Variants in NEMP2 observed in about 807,000 individuals in gnomAD.
NEMP2 encodes the protein nuclear envelope integral membrane protein 2.
NEMP2 carries 53 observed loss-of-function variants against 54.2 expected under a neutral mutation model. The observed-to-expected ratio is 0.98, with a 90% CI of 0.78 to 1.23. The LOEUF (loss-of-function observed/expected upper bound fraction) is 1.23. Among genes scored for constraint, NEMP2 ranks in the 50% most tolerant of loss-of-function variants. The pLI, the probability that NEMP2 is intolerant of heterozygous loss-of-function variation, is 0.00. For missense variants in NEMP2, 455 were observed against 511.3 expected (o/e 0.89, Z 1.06); for synonymous variants, 197 against 190.3 (o/e 1.04, Z -0.29).
chr2:190,525,142 T>C lies in NEMP2; in HGVS notation c.213+121A>G, dbSNP rs1237476838. On this transcript the variant is annotated intron_variant, in intron 2 of 8. Transcript: ENST00000409150. The surrounding 1 kb of genome is among the most constrained non-coding windows in gnomAD (Gnocchi z 5.0). ...TGTGTGATCCTCAAGTCAGCTTTCA[T>C]AGTGATACACAGATCTGTGTCATAC... 1.4e-5 allele frequency: 8 copies of C among 575,776 alleles called. No homozygotes were observed. The highest frequency in any genetic ancestry group is 7.5e-5 in the South Asian group (3 of 39,932). The allele number at this position is 575,776 out of a possible 1,614,324, so 35.7% of individuals were successfully genotyped here. A position where few individuals can be genotyped will look rare whatever the true frequency, so the allele number is the denominator to read the frequency against.
At chr2:190,636,159 T>G in the NEMP2 span, among the ~76,000 whole-genome samples, 1 of 152,260 alleles carries the variant, frequency 6.6e-6, no homozygotes, top group African/African-American at 2.4e-5. Context: ...TCTATGTTCT[T>G]AATCCTAGCC....
At chr2:190,469,930 C>T in the NEMP2 span, 2 of 1,020,952 alleles carry the variant, frequency 2.0e-6, no homozygotes, top group Admixed American at 2.1e-5. This position sits in a 1 kb window ranked among gnomAD's most constrained non-coding sequence, Gnocchi z 5.3. Context: ...TGGCCTTCAG[C>T]ATCTGATTCT....
chr2:190,429,226 A>ATG, the NEMP2 span, among the ~76,000 whole-genome samples: 338 of 108,374 alleles, frequency 3.1e-3, 2 homozygotes, highest in South Asian at 0.017. Context: ...TTCTTTTGTT[A>ATG]CGTGTGTGTG....
downstream of NEMP2, chr2:190,502,050 T>G (rs1049127955): frequency 1.3e-5 from 2 of 152,656 alleles, no homozygotes; most frequent in Non-Finnish European, 2.9e-5. This position sits in a 1 kb window ranked among gnomAD's most constrained non-coding sequence, Gnocchi z 4.4. Flanking sequence ...AGTTGACATG[T>G]TGAAATAAAA....
chr2:190,577,929 A>G, the NEMP2 span, among the ~76,000 whole-genome samples: 6 of 152,194 alleles, frequency 3.9e-5, no homozygotes, highest in Admixed American at 1.3e-4. This position sits in a 1 kb window ranked among gnomAD's most constrained non-coding sequence, Gnocchi z 4.8. Flanking sequence ...GGTATTGGAG[A>G]GCATGGAAAT....
Position 190,505,161 on chromosome 2 carries a change from T to C in NEMP2, c.*4028A>G, listed in dbSNP as rs937031532. 1.3e-5 allele frequency: 2 copies of C among 152,180 alleles called. No homozygotes were observed. Among genetic ancestry groups the C allele is most frequent in the African/African-American group, 4.8e-5 (2 of 41,456 alleles). The allele number at this position is 152,180 out of a possible 1,614,324, so 9.4% of individuals were successfully genotyped here. A position where few individuals can be genotyped will look rare whatever the true frequency, so the allele number is the denominator to read the frequency against. ...TCAGCAGATGTAGTCACCTCTTGAA[T>C]GCCTTATCCATGGGGTCATTTCCTT... On this transcript the variant is annotated 3_prime_UTR_variant, in exon 9 of 9. Coordinates refer to ENST00000409150, the MANE Select transcript of NEMP2 (RefSeq NM_001142645.2). This position sits in a 1 kb window ranked among gnomAD's most constrained non-coding sequence, Gnocchi z 5.8.
chr2:190,425,438 T>C, the NEMP2 span, among the ~76,000 whole-genome samples: 1 of 152,242 alleles, frequency 6.6e-6, no homozygotes, highest in Non-Finnish European at 1.5e-5. The surrounding 1 kb of genome is among the most constrained non-coding windows in gnomAD (Gnocchi z 4.3). Context: ...ATTCAGTCTT[T>C]CACCATTAAG....
the NEMP2 span, among the ~76,000 whole-genome samples, chr2:190,615,652 G>A: frequency 1.3e-5 from 2 of 152,164 alleles, no homozygotes; most frequent in Admixed American, 6.5e-5. The surrounding 1 kb of genome is among the most constrained non-coding windows in gnomAD (Gnocchi z 4.7). Context: ...GAGAGATGAG[G>A]GGATGAGGTT....
At chr2:190,618,228 A>T in the NEMP2 span, among the ~76,000 whole-genome samples, 1 of 152,050 alleles carries the variant, frequency 6.6e-6, no homozygotes, top group African/African-American at 2.4e-5. Context: ...TTTAGTGTAG[A>T]CCGAGTTACA....
At chr2:190,584,605 G>A in the NEMP2 span, among the ~76,000 whole-genome samples, 1 of 152,094 alleles carries the variant, frequency 6.6e-6, no homozygotes, top group Non-Finnish European at 1.5e-5. This position sits in a 1 kb window ranked among gnomAD's most constrained non-coding sequence, Gnocchi z 4.2. Flanking sequence ...AGGCATGGTG[G>A]CTCATGCTTA....
chr2:190,587,771 T>C, the NEMP2 span, among the ~76,000 whole-genome samples: 13 of 152,146 alleles, frequency 8.5e-5, no homozygotes, highest in Admixed American at 6.5e-5. The surrounding 1 kb of genome is among the most constrained non-coding windows in gnomAD (Gnocchi z 5.4). Context: ...GAACTGCAGG[T>C]TGAGTATCAG....
chr2:190,547,667 A>G, the NEMP2 span, among the ~76,000 whole-genome samples: 1 of 152,190 alleles, frequency 6.6e-6, no homozygotes, highest in Non-Finnish European at 1.5e-5. This position sits in a 1 kb window ranked among gnomAD's most constrained non-coding sequence, Gnocchi z 6.2. Context: ...CTGGGACTAC[A>G]GGTGCACTGC....
chr2:190,503,258 A>C (rs937943083), downstream of NEMP2, among the ~76,000 whole-genome samples: 16 of 152,226 alleles, frequency 1.1e-4, no homozygotes, highest in African/African-American at 3.9e-4. This position sits in a 1 kb window ranked among gnomAD's most constrained non-coding sequence, Gnocchi z 6.3. Flanking sequence ...GACTCTGGCC[A>C]GGGCCATGGA....
rs1432904776 is a variant in NEMP2 at position 190,520,523 on chromosome 2, AT to A, written c.214-1341del. ...CATCAGGTAATATCACTCACTATCTATCTACCAACCCCTGCATTTCTCTTTG... is the reference window on the plus strand; with the variant it reads ...CATCAGGTAATATCACTCACTATCTACTACCAACCCCTGCATTTCTCTTTG... On this transcript the variant is annotated intron_variant, in intron 2 of 8. Coordinates refer to ENST00000409150, the MANE Select transcript of NEMP2 (RefSeq NM_001142645.2). The surrounding 1 kb of genome is among the most constrained non-coding windows in gnomAD (Gnocchi z 5.4). Among the ~76,000 whole-genome samples the A allele has an allele frequency of 6.6e-6, 1 of 152,122 alleles. No homozygotes were observed. The highest frequency in any genetic ancestry group is 1.9e-4 in the East Asian group (1 of 5,196).
chr2:190,572,770 A>G, the NEMP2 span, among the ~76,000 whole-genome samples: 1 of 142,900 alleles, frequency 7.0e-6, no homozygotes, highest in Non-Finnish European at 1.5e-5. Flanking sequence ...CCTGTTGTCA[A>G]AAGTATAGAT....
chr2:190,472,863 G>A, the NEMP2 span, among the ~76,000 whole-genome samples: 6 of 152,198 alleles, frequency 3.9e-5, no homozygotes, highest in African/African-American at 1.2e-4. Context: ...ACAAAGGGAA[G>A]CCCATCAGAT....
chr2:190,454,982 ATGTAT>A, the NEMP2 span, among the ~76,000 whole-genome samples: 5 of 82,304 alleles, frequency 6.1e-5, no homozygotes, highest in African/African-American at 1.7e-4. This position sits in a 1 kb window ranked among gnomAD's most constrained non-coding sequence, Gnocchi z 4.6. Flanking sequence ...GTATATGTAT[ATGTAT>A]ATGTATATGT....
chr2:190,596,342 T>C, the NEMP2 span, among the ~76,000 whole-genome samples: 5 of 152,314 alleles, frequency 3.3e-5, no homozygotes, highest in Non-Finnish European at 5.9e-5. The surrounding 1 kb of genome is among the most constrained non-coding windows in gnomAD (Gnocchi z 5.1). Flanking sequence ...GGCACGTGTA[T>C]ACCTATGTAA....
the NEMP2 span, among the ~76,000 whole-genome samples, chr2:190,442,145 A>C: frequency 6.6e-6 from 1 of 152,218 alleles, no homozygotes; most frequent in Admixed American, 6.5e-5. Flanking sequence ...TACCACAATA[A>C]AAATGTTTTA....
Sources: gnomAD v4.1 joint callset for allele counts (sites outside exome capture counted in the v4.1 genomes callset) on GRCh38, gnomAD v4.1.1 for gene constraint, Gnocchi (gnomAD v3.1) non-coding constraint, MANE v1.5 for transcripts, NCBI Gene and HGNC (gene_info 2026-07-23, HGNC 2026-07-21) for gene names.